Variants in AGPAT3 observed in about 807,000 individuals in gnomAD.
The protein encoded by AGPAT3 is 1-acylglycerol-3-phosphate O-acyltransferase 3.
In AGPAT3, 5 loss-of-function variants were observed where a neutral mutation model predicts 47.3. The observed-to-expected ratio is 0.11, with a 90% CI of 0.06 to 0.22. The LOEUF is 0.22. Ranked by LOEUF, AGPAT3 falls within the 10% of genes least tolerant of loss-of-function variation. The pLI is 1.00. For missense variants in AGPAT3, 315 were observed against 493.0 expected, an observed-to-expected ratio of 0.64 and a Z score of 3.42; for synonymous variants, 212 against 208.3, an observed-to-expected ratio of 1.02 and a Z score of -0.15.
At chr21:43,940,946 A>G (rs1165823733) in intron 2 of AGPAT3, among the ~76,000 whole-genome samples, 2 of 152,212 alleles carry the variant, frequency 1.3e-5, no homozygotes, top group Non-Finnish European at 2.9e-5. Flanking sequence ...GGCTGGGATT[A>G]GATGGGGTGT....
At chr21:43,887,804 G>A (rs919260104) in intron 1 of AGPAT3, among the ~76,000 whole-genome samples, 4 of 152,020 alleles carry the variant, frequency 2.6e-5, no homozygotes, top group Non-Finnish European at 4.4e-5. Context: ...ATAGGCGCCC[G>A]CCATCACACC....
chr21:43,888,268 G>A (rs2086024764), intron 1 of AGPAT3, among the ~76,000 whole-genome samples: 1 of 152,144 alleles, frequency 6.6e-6, no homozygotes, highest in African/African-American at 2.4e-5. Flanking sequence ...TCGAATTCCT[G>A]GGCTCAAGCA....
chr21:43,885,693 T>C (rs1281809890), intron 1 of AGPAT3, among the ~76,000 whole-genome samples: 1 of 152,130 alleles, frequency 6.6e-6, no homozygotes, highest in Non-Finnish European at 1.5e-5. Flanking sequence ...GCCAGTTTCT[T>C]ATATAAGCTG....
At position 43,869,211 on chromosome 21, in the gene AGPAT3, C is replaced by G. The variant is rs530647892; in HGVS notation, c.-112+3866C>G. Among the ~76,000 whole-genome samples, 18 of 152,258 alleles carry G rather than the reference C, an allele frequency of 1.2e-4. 1 individual carries two copies. In the South Asian group the frequency reaches 3.7e-3, roughly 32 times the overall value. On this transcript the variant is annotated intron_variant, in intron 1 of 9. Transcript: ENST00000291572. Reference sequence around the variant, plus strand: ...TCTATGCTCAGCTTTTTACGGTACACTTGGTGGGAGTAAAATGAAGAGCTG... The same window carrying G: ...TCTATGCTCAGCTTTTTACGGTACAGTTGGTGGGAGTAAAATGAAGAGCTG...
At chr21:43,897,834 A>G (rs1342685681) in intron 1 of AGPAT3, among the ~76,000 whole-genome samples, 1 of 152,090 alleles carries the variant, frequency 6.6e-6, no homozygotes, top group Non-Finnish European at 1.5e-5. Context: ...ACGCCTCTGC[A>G]CTCCAGCCTG....
In AGPAT3 at chr21:43,952,403, GAA is replaced by G. The variant is rs1268139027; in HGVS notation, c.-48-7230_-48-7229del. On this transcript the variant is annotated intron_variant, in intron 2 of 9. Coordinates refer to ENST00000291572, the MANE Select transcript of AGPAT3 (RefSeq NM_020132.5). This position sits in a 1 kb window ranked among gnomAD's most constrained non-coding sequence, Gnocchi z 5.6. ...CGAGGACCTGGGCATTACCTTTGTG[GAA>G]GGAACTCAGTTCACCCTAACAAAAG... Among the ~76,000 whole-genome samples, 1 of 152,232 alleles carries G rather than the reference GAA, an allele frequency of 6.6e-6. No homozygotes were observed. Among genetic ancestry groups the G allele is most frequent in the Admixed American group, 6.5e-5 (1 of 15,286 alleles).
At chr21:43,957,877 G>A (rs1601419447) in intron 2 of AGPAT3, among the ~76,000 whole-genome samples, 1 of 152,264 alleles carries the variant, frequency 6.6e-6, no homozygotes, top group African/African-American at 2.4e-5. Context: ...GTGCTGCCAA[G>A]AGTGGAGGGG....
chr21:43,969,114 C>T lies in AGPAT3; in HGVS notation c.349-4C>T. On this transcript the variant is annotated splice_region_variant and splice_polypyrimidine_tract_variant and intron_variant, in intron 4 of 9. Coordinates refer to ENST00000291572, the MANE Select transcript of AGPAT3 (RefSeq NM_020132.5). ...CCAGGTGCCCCTCCTTCTCCTCCCT[C>T]CAGAGCTCCAAGGTCCTCGCTAAGA... 6.2e-7 allele frequency: 1 copy of T among 1,614,122 alleles called. No homozygotes were observed. The highest frequency in any genetic ancestry group is 1.7e-5 in the Admixed American group (1 of 60,020).
intron 2 of AGPAT3, among the ~76,000 whole-genome samples, chr21:43,909,047 C>T (rs935891462): frequency 1.3e-5 from 2 of 152,206 alleles, no homozygotes; most frequent in African/African-American, 2.4e-5. Flanking sequence ...GGACTTCATT[C>T]GTTGATTTTA....
At chr21:43,917,073 C>T (rs528418932) in intron 2 of AGPAT3, among the ~76,000 whole-genome samples, 72 of 152,314 alleles carry the variant, frequency 4.7e-4, no homozygotes, top group African/African-American at 8.2e-4. Context: ...TCCCCACTCC[C>T]GGGCACCCTG....
At position 43,976,843 on chromosome 21, in the gene AGPAT3, C is replaced by T. The variant is rs145647617; in HGVS notation, c.768-1203C>T. Among the ~76,000 whole-genome samples the T allele has an allele frequency of 2.7e-3, 409 of 152,318 alleles. 2 individuals carry two copies. Among genetic ancestry groups the T allele is most frequent in the African/African-American group, 9.5e-3 (395 of 41,566 alleles). On this transcript the variant is annotated intron_variant, in intron 7 of 9. Transcript: ENST00000291572. The stretch of plus-strand genomic sequence containing the variant: ...TCTTGCCGTGTGGCTCAGTGACGGG[C>T]GCTGTGGACGTGGCAGCCCCTGAAT...
intron 2 of AGPAT3, among the ~76,000 whole-genome samples, chr21:43,935,346 G>T (rs1202343450): frequency 1.3e-5 from 2 of 152,340 alleles, no homozygotes; most frequent in East Asian, 1.9e-4. Flanking sequence ...CCCAGATCCC[G>T]CCTCTCTCCA....
Position 43,969,293 on chromosome 21 carries a change from G to A in AGPAT3, c.510+14G>A. 6.2e-7 allele frequency: 1 copy of A among 1,614,018 alleles called. No individual in the cohort carries two copies. The highest frequency in any genetic ancestry group is 8.5e-7 in the Non-Finnish European group (1 of 1,179,918). ...GAGTACATGTGGGTGAGTGCGCGGA[G>A]CAGCCCGATACCCTGCATGCCTGGA... On this transcript the variant is annotated intron_variant, in intron 5 of 9. Transcript: ENST00000291572.
At chr21:43,960,063 T>C (rs1355373990) in intron 3 of AGPAT3, among the ~76,000 whole-genome samples, 1 of 152,202 alleles carries the variant, frequency 6.6e-6, no homozygotes, top group Non-Finnish European at 1.5e-5. Context: ...CTCTCACCAT[T>C]CTGACCCATA....
rs564825719 is a variant in AGPAT3 at position 43,981,223 on chromosome 21, C to T, written c.1042+36C>T. 2.4e-5 allele frequency: 39 copies of T among 1,606,418 alleles called. No homozygotes were observed. Among genetic ancestry groups the T allele is most frequent in the South Asian group, 1.5e-4 (14 of 90,860 alleles). The stretch of plus-strand genomic sequence containing the variant: ...CTGTCGCTAACAGCTCACACTCTGA[C>T]GGGCCTCACAGTATCAGCCACAGGG... On this transcript the variant is annotated intron_variant, in intron 9 of 9. Coordinates refer to ENST00000291572, the MANE Select transcript of AGPAT3 (RefSeq NM_020132.5). This position sits in a 1 kb window ranked among gnomAD's most constrained non-coding sequence, Gnocchi z 5.3.
At chr21:43,894,070 G>A (rs912318436) in intron 1 of AGPAT3, among the ~76,000 whole-genome samples, 45 of 152,306 alleles carry the variant, frequency 3.0e-4, no homozygotes, top group African/African-American at 1.1e-3. Flanking sequence ...CAGTGAACAA[G>A]CTTCCTTCCG....
rs2089839961 is a variant in AGPAT3 at position 43,981,266 on chromosome 21, C to T, written c.1042+79C>T. 4.7e-6 allele frequency: 7 copies of T among 1,479,962 alleles called. No individual in the cohort carries two copies. The highest frequency in any genetic ancestry group is 1.2e-5 in the South Asian group (1 of 86,856). The allele number at this position is 1,479,962 out of a possible 1,614,324, so 91.7% of individuals were successfully genotyped here. The stretch of plus-strand genomic sequence containing the variant: ...CCACAGGGTCCGGGACCTGGTGACT[C>T]ATCACAGTGGCTGTGGGAGGCAGGG... On this transcript the variant is annotated intron_variant, in intron 9 of 9. Coordinates refer to ENST00000291572, the MANE Select transcript of AGPAT3 (RefSeq NM_020132.5). This position sits in a 1 kb window ranked among gnomAD's most constrained non-coding sequence, Gnocchi z 5.3.
chr21:43,957,126 G>A (rs970178141), intron 2 of AGPAT3, among the ~76,000 whole-genome samples: 1 of 152,184 alleles, frequency 6.6e-6, no homozygotes, highest in African/African-American at 2.4e-5. Flanking sequence ...AGGGTGGTGG[G>A]AGTGACACTG....
chr21:43,959,223 T>G (rs2088687673), intron 2 of AGPAT3, among the ~76,000 whole-genome samples: 1 of 110,900 alleles, frequency 9.0e-6, no homozygotes, highest in Non-Finnish European at 1.8e-5. Context: ...CATGTGGGGT[T>G]TGTGATGTGG....
Sources: allele counts gnomAD v4.1 joint callset (sites outside exome capture counted in the v4.1 genomes callset), GRCh38; gene constraint gnomAD v4.1.1; non-coding constraint Gnocchi (gnomAD v3.1); transcripts MANE v1.5; gene names NCBI Gene and HGNC (gene_info 2026-07-23, HGNC 2026-07-21).